Variants in IL16 observed in about 807,000 individuals in gnomAD.
IL16 encodes interleukin 16.
A neutral mutation model predicts 110.1 loss-of-function variants in IL16; 67 were observed. That is an observed-to-expected ratio of 0.61 (90% CI 0.50 to 0.75). The LOEUF is 0.75. Among genes scored for constraint, IL16 ranks in the 30% least tolerant of loss-of-function variants. IL16 has a pLI of 0.00. For missense variants in IL16, 1,545 were observed against 1,655.0 expected, an observed-to-expected ratio of 0.93 and a Z score of 1.15; for synonymous variants, 689 against 662.9, an observed-to-expected ratio of 1.04 and a Z score of -0.61.
chr15:81,299,155 C>T (rs1464731488), intron 13 of IL16: 5 of 707,616 alleles, frequency 7.1e-6, no homozygotes, highest in Non-Finnish European at 1.0e-5. Flanking sequence ...AGGCCTAAAA[C>T]ACTAGGATAC....
chr15:81,207,174 CT>C (rs533707665), intron 1 of IL16, among the ~76,000 whole-genome samples: 2 of 148,416 alleles, frequency 1.3e-5, no homozygotes, highest in Non-Finnish European at 3.0e-5. Context: ...GGAGGCAGAG[CT>C]TGCAGTGAGC....
chr15:81,279,918 C>T (rs1352560213), intron 8 of IL16, 144 bp downstream of exon 8: 1 of 688,312 alleles, frequency 1.5e-6, no homozygotes, highest in Non-Finnish European at 2.5e-6. Context: ...GGAGCCAGGT[C>T]GAGTCTTCTG....
intron 1 of IL16, among the ~76,000 whole-genome samples, chr15:81,211,024 C>T (rs1017873361): frequency 1.3e-5 from 2 of 151,906 alleles, no homozygotes; most frequent in African/African-American, 4.8e-5. Context: ...CCTTAGATGC[C>T]TAGTGTGTTG....
intron 1 of IL16, among the ~76,000 whole-genome samples, chr15:81,215,470 A>G (rs1896391229): frequency 6.6e-6 from 1 of 152,222 alleles, no homozygotes; most frequent in African/African-American, 2.4e-5. Flanking sequence ...GCTGATAGCC[A>G]GTCACACTAC....
chr15:81,227,714 C>G (rs1205127253), intron 2 of IL16, among the ~76,000 whole-genome samples: 1 of 152,164 alleles, frequency 6.6e-6, no homozygotes, highest in Non-Finnish European at 1.5e-5. Flanking sequence ...AGCACTCTGA[C>G]TGCTGAGTGG....
chr15:81,304,830 A>C (rs1900471557), intron 16 of IL16, among the ~76,000 whole-genome samples: 1 of 152,218 alleles, frequency 6.6e-6, no homozygotes, highest in Non-Finnish European at 1.5e-5. Flanking sequence ...ACACCAAAAC[A>C]ATTTAGAGAA....
rs1287234131 is a variant in IL16, at chr15:81,275,539, T to A, written c.790+2335T>A. ...TTATTATCTTTTGTACTTTTCTGTG[T>A]TTAAACAAAGGGGTGGGGGAAGGGT... On this transcript the variant is annotated intron_variant, in intron 6 of 18. Coordinates refer to ENST00000683961, the MANE Select transcript of IL16 (RefSeq NM_172217.5). 2.6e-5 allele frequency among the ~76,000 whole-genome samples: 4 copies of A among 151,982 alleles called. No homozygotes were observed. The East Asian group carries it at 5.8e-4, about 22-fold the overall frequency.
chr15:81,233,491 G>GTGTGTA (rs1555415927), intron 2 of IL16, among the ~76,000 whole-genome samples: 5 of 147,248 alleles, frequency 3.4e-5, no homozygotes, highest in Non-Finnish European at 7.4e-5. Context: ...GTGTGTGTGT[G>GTGTGTA]TGTGTCTTGA....
Position 81,188,639 on chromosome 15 carries a change from G to A in IL16, c.40+5743G>A, listed in dbSNP as rs537111428. ...CTAGGGTGTGCACGTGCATACGTAT[G>A]CCTGTAACAGGTTAGATCCATGTGT... On this transcript the variant is annotated intron_variant, in intron 1 of 18. Coordinates refer to the IL16 transcript ENST00000302987. 7.2e-4 allele frequency among the ~76,000 whole-genome samples: 110 copies of A among 152,304 alleles called. 1 individual carries two copies. Among genetic ancestry groups the A allele is most frequent in the African/African-American group, 2.6e-3 (106 of 41,562 alleles).
At position 81,273,102 on chromosome 15, in the gene IL16, A is replaced by G. The variant is rs747064403; in HGVS notation, c.688A>G (p.Ser230Gly). ...MKGQAKGLGF[S>G]IVGGKDSIYG... is the part of the protein sequence containing the mutation. ...TTTTTTTCCCCAGGGTCTGGGCTTC[A>G]GCATCGTTGGGGGAAAAGACAGCAT... The change falls in exon 6 of 19, where the codon AGC (serine) becomes GGC (glycine). Residue 230 changes from serine (S) to glycine (G), a missense_variant. Transcript: ENST00000683961. The G allele has an allele frequency of 1.2e-6, 2 of 1,613,020 alleles. No homozygotes were observed. Among genetic ancestry groups the G allele is most frequent in the East Asian group, 2.2e-5 (1 of 44,812 alleles).
chr15:81,280,657 A>C (rs1567034207), intron 8 of IL16, among the ~76,000 whole-genome samples: 1 of 152,208 alleles, frequency 6.6e-6, no homozygotes, highest in Non-Finnish European at 1.5e-5. Context: ...ATATTGTCGA[A>C]GTGGAAGGGA....
chr15:81,199,030 A>ATATATATATAT (rs1555411598), intron 1 of IL16, among the ~76,000 whole-genome samples: 5 of 104,192 alleles, frequency 4.8e-5, no homozygotes, highest in Non-Finnish European at 6.9e-5. Context: ...AAAAAAAAAA[A>ATATATATATAT]ATATATATAT....
At chr15:81,268,326 G>A (rs546060662) in intron 4 of IL16, among the ~76,000 whole-genome samples, 1 of 152,400 alleles carries the variant, frequency 6.6e-6, no homozygotes, top group Admixed American at 6.5e-5. Flanking sequence ...GAGGCGATGT[G>A]TTTTACAAAC....
rs772823422 is a variant in IL16 at position 81,265,651 on chromosome 15, T to G, written c.422-8T>G. 1 of 1,612,122 alleles carries G rather than the reference T, an allele frequency of 6.2e-7. No individual in the cohort carries two copies. The highest frequency in any genetic ancestry group is 1.3e-5 in the African/African-American group (1 of 74,800). On this transcript the variant is annotated splice_polypyrimidine_tract_variant and splice_region_variant and intron_variant, in intron 3 of 18. Transcript: ENST00000683961. Reference sequence around the variant, plus strand: ...TGATTTCTTGCTGTTTTTCCTCTTCTGGTTTAGGTGTTAATCCCTATTGCA... The same window carrying G: ...TGATTTCTTGCTGTTTTTCCTCTTCGGGTTTAGGTGTTAATCCCTATTGCA...
At chr15:81,215,448 G>A (rs992415369) in intron 1 of IL16, among the ~76,000 whole-genome samples, 1 of 152,170 alleles carries the variant, frequency 6.6e-6, no homozygotes, top group Non-Finnish European at 1.5e-5. Flanking sequence ...AAGAGTGATG[G>A]CCAATAGCTA....
At chr15:81,252,475 A>T (rs1468929726) in intron 2 of IL16, among the ~76,000 whole-genome samples, 2 of 152,226 alleles carry the variant, frequency 1.3e-5, no homozygotes, top group Non-Finnish European at 2.9e-5. Context: ...TAATGGTTTT[A>T]TTAAGATATT....
At chr15:81,240,319 A>G (rs1028980542) in intron 2 of IL16, among the ~76,000 whole-genome samples, 19 of 152,024 alleles carry the variant, frequency 1.2e-4, no homozygotes, top group Non-Finnish European at 4.4e-5. Flanking sequence ...TTCCATGGGC[A>G]TTCTTGTACA....
chr15:81,193,876 T>A (rs1895538459), upstream of IL16, among the ~76,000 whole-genome samples: 1 of 152,208 alleles, frequency 6.6e-6, no homozygotes, highest in Non-Finnish European at 1.5e-5. Context: ...GAATTTATTA[T>A]CATCATGTCC....
chr15:81,282,899 C>T (rs1006271212), intron 9 of IL16, 143 bp downstream of exon 9: 7 of 759,638 alleles, frequency 9.2e-6, no homozygotes, highest in Middle Eastern at 3.4e-4. Context: ...CGCCAGGACA[C>T]CCCCTGTTGT....
Sources: allele counts gnomAD v4.1 joint callset (sites outside exome capture counted in the v4.1 genomes callset), GRCh38; gene constraint gnomAD v4.1.1; transcripts MANE v1.5; gene names NCBI Gene and HGNC (gene_info 2026-07-23, HGNC 2026-07-21).